Variants in CD53 observed in about 807,000 individuals in gnomAD.
CD53 encodes CD53 molecule.
Under a neutral mutation model 27.3 loss-of-function variants are expected in CD53, and 20 were observed. The ratio of observed to expected loss-of-function variants is 0.73; its 90% CI spans 0.52 to 1.07. The LOEUF (loss-of-function observed/expected upper bound fraction) is 1.07, where lower values mean the gene tolerates loss of function less well. Ranked by LOEUF, CD53 falls within the 50% of genes least tolerant of loss-of-function variation. The probability of loss-of-function intolerance (pLI) is 0.00; values close to 1 mark genes in which losing one functional copy is unlikely to be tolerated. For synonymous variants in CD53, 106 were observed against 105.3 expected (o/e 1.01, Z -0.04); for missense variants, 216 against 264.0 (o/e 0.82, Z 1.26).
At chr1:110,897,942 G>C (rs377628353) in intron 7 of CD53, 50 bp downstream of exon 7, 1 of 1,068,088 alleles carries the variant, frequency 9.4e-7, no homozygotes, top group Non-Finnish European at 1.4e-6. Flanking sequence ...AGTTAAGTCA[G>C]GTAAGATTTC....
At chr1:110,873,961 A>G (rs1487504726) in intron 1 of CD53, among the ~76,000 whole-genome samples, 2 of 152,214 alleles carry the variant, frequency 1.3e-5, no homozygotes, top group African/African-American at 4.8e-5. Flanking sequence ...ATAAAATGCA[A>G]TCCCCAAAAC....
chr1:110,874,288 G>A (rs908472839), intron 1 of CD53, among the ~76,000 whole-genome samples: 1 of 152,194 alleles, frequency 6.6e-6, no homozygotes, highest in African/African-American at 2.4e-5. Flanking sequence ...AGTTTATTGA[G>A]CCTTGTATTA....
chr1:110,892,543 T>C lies in CD53; in HGVS notation c.252+10T>C, dbSNP rs182073176. 2 of 1,607,982 alleles carry C rather than the reference T, an allele frequency of 1.2e-6. No individual in the cohort carries two copies. Among genetic ancestry groups the C allele is most frequent in the Admixed American group, 3.3e-5 (2 of 59,704 alleles). On this transcript the variant is annotated intron_variant, in intron 3 of 7. Coordinates refer to ENST00000271324, the MANE Select transcript of CD53 (RefSeq NM_000560.4). ...GTGTCTGCTTATGTCGGTGAGTCCT[T>C]ACAGCAGATGTGGTGCCCCAAGTCG...
chr1:110,892,431 C>T lies in CD53; in HGVS notation c.150C>T (p.Leu50=), dbSNP rs1233907090. 1 of 1,613,984 alleles carries T rather than the reference C, an allele frequency of 6.2e-7. No individual in the cohort carries two copies. Among genetic ancestry groups the T allele is most frequent in the South Asian group, 1.1e-5 (1 of 91,070 alleles). ...FGVLFHNLPS[L]TLGNVFVIVG... ...TGCTCTTCCATAACCTCCCCTCCCT[C>T]ACGCTGGGCAATGTGTTTGTCATCG... The change falls in exon 3 of 8, where the codon CTC becomes CTT. Residue 50 remains leucine (L), a synonymous_variant. Transcript: ENST00000271324.
At chr1:110,878,941 A>T (rs953219403) in intron 1 of CD53, among the ~76,000 whole-genome samples, 2 of 152,156 alleles carry the variant, frequency 1.3e-5, no homozygotes, top group African/African-American at 4.8e-5. Context: ...TTTATCTTTT[A>T]TTACTGAAAT....
At chr1:110,873,639 C>T (rs115179963) in intron 1 of CD53, among the ~76,000 whole-genome samples, 2,437 of 152,182 alleles carry the variant, frequency 0.016, 30 homozygotes, top group Non-Finnish European at 0.024. Context: ...GGAAAGAACC[C>T]ACAGCCAGAG....
chr1:110,888,453 C>T (rs1656716282), intron 1 of CD53, among the ~76,000 whole-genome samples: 1 of 152,174 alleles, frequency 6.6e-6, no homozygotes, highest in African/African-American at 2.4e-5. Flanking sequence ...AGGGCTCACA[C>T]CATTTATTTC....
chr1:110,892,188 A>G (rs1050451837), intron 2 of CD53, among the ~76,000 whole-genome samples, 157 bp from the exon 3 acceptor site: 1 of 152,218 alleles, frequency 6.6e-6, no homozygotes, highest in Non-Finnish European at 1.5e-5. Context: ...TGCCTCTCCA[A>G]TGTAAGCATG....
upstream of CD53, among the ~76,000 whole-genome samples, chr1:110,872,128 T>G (rs2101031969): frequency 6.6e-6 from 1 of 152,298 alleles, no homozygotes; most frequent in Non-Finnish European, 1.5e-5. Flanking sequence ...TGGGGCCCAG[T>G]GATTGCTTCC....
At chr1:110,884,684 T>TTTAGAA (rs1553203261) in intron 1 of CD53, among the ~76,000 whole-genome samples, 2 of 151,128 alleles carry the variant, frequency 1.3e-5, no homozygotes, top group Non-Finnish European at 3.0e-5. Flanking sequence ...AATCAGTCCC[T>TTTAGAA]TTATAAAGTA....
rs754663126 is a variant in CD53 at position 110,892,436 on chromosome 1, TG to T, written c.158del (p.Gly53AlafsTer13). 6.2e-7 allele frequency: 1 copy of T among 1,614,082 alleles called. No homozygotes were observed. Among genetic ancestry groups the T allele is most frequent in the Admixed American group, 1.7e-5 (1 of 60,020 alleles). On this transcript the variant is annotated frameshift_variant, in exon 3 of 8. Coordinates refer to ENST00000271324, the MANE Select transcript of CD53 (RefSeq NM_000560.4). LOFTEE classifies it high-confidence loss of function. Reference sequence around the variant, plus strand: ...TTCCATAACCTCCCCTCCCTCACGCTGGGCAATGTGTTTGTCATCGTGGGCT... The same window carrying T: ...TTCCATAACCTCCCCTCCCTCACGCTGGCAATGTGTTTGTCATCGTGGGCT... ...VLFHNLPSLT[L>X]GNVFVIVGSI...
intron 1 of CD53, among the ~76,000 whole-genome samples, chr1:110,884,464 T>C (rs1477749858): frequency 1.3e-5 from 2 of 152,134 alleles, no homozygotes; most frequent in Non-Finnish European, 2.9e-5. Flanking sequence ...GAGTGTTCTA[T>C]CACAATCAGT....
intron 1 of CD53, among the ~76,000 whole-genome samples, chr1:110,882,318 G>T (rs1301628306): frequency 6.6e-6 from 1 of 151,992 alleles, no homozygotes; most frequent in African/African-American, 2.4e-5. Flanking sequence ...ATAGACAATT[G>T]TTCCAGCACC....
chr1:110,888,202 A>T (rs1431254482), intron 1 of CD53, among the ~76,000 whole-genome samples: 1 of 152,208 alleles, frequency 6.6e-6, no homozygotes, highest in East Asian at 1.9e-4. Context: ...GAACTGTAAA[A>T]TAATAAATTT....
In CD53 at chr1:110,897,821, A is replaced by G; in HGVS notation, c.517A>G (p.Lys173Glu). ...SDRKVEGCYAKARLWFHSNFL... is the reference protein window; with the variant it reads ...SDRKVEGCYAEARLWFHSNFL... ...AAATGTCTTCTAGGGTTGCTATGCG[A>G]AAGCAAGACTGTGGTTTCATTCCAA... Residue 173 changes from lysine to glutamate, a missense_variant, in exon 7 of 8, where the codon AAA becomes GAA. Coordinates refer to ENST00000271324, the MANE Select transcript of CD53 (RefSeq NM_000560.4). 1 of 1,608,266 alleles carries G rather than the reference A, an allele frequency of 6.2e-7. No individual in the cohort carries two copies. The highest frequency in any genetic ancestry group is 8.5e-7 in the Non-Finnish European group (1 of 1,174,978).
At chr1:110,892,225 T>G in intron 2 of CD53, 120 bp from the exon 3 acceptor site, 38 of 790,148 alleles carry the variant, frequency 4.8e-5, no homozygotes, top group East Asian at 1.2e-4. Context: ...AAATTGTTCA[T>G]GAGACTCTTG....
chr1:110,894,022 T>C (rs1470676926), intron 3 of CD53, among the ~76,000 whole-genome samples: 2 of 152,180 alleles, frequency 1.3e-5, no homozygotes, highest in African/African-American at 2.4e-5. Context: ...ACTGCTTCAA[T>C]AGGCAGATGT....
chr1:110,880,944 C>A (rs1400883243), intron 1 of CD53, among the ~76,000 whole-genome samples: 11 of 152,026 alleles, frequency 7.2e-5, no homozygotes, highest in African/African-American at 2.4e-4. Context: ...AGTAACTAAC[C>A]AGAATAAGAG....
chr1:110,896,005 AC>A (rs1269594846), intron 5 of CD53, among the ~76,000 whole-genome samples: 3 of 152,204 alleles, frequency 2.0e-5, no homozygotes, highest in African/African-American at 7.2e-5. Context: ...ATTTTAATTG[AC>A]TTGTTCAAAT....
Sources: gnomAD v4.1 joint callset for allele counts (sites outside exome capture counted in the v4.1 genomes callset) on GRCh38, gnomAD v4.1.1 for gene constraint, MANE v1.5 for transcripts, NCBI Gene and HGNC (gene_info 2026-07-23, HGNC 2026-07-21) for gene names.